The following DOP1B variants were observed in gnomAD, a reference collection of about 807,000 sequenced individuals.
The protein encoded by DOP1B is protein DOP1B.
In DOP1B, 174 loss-of-function variants were observed where a neutral mutation model predicts 233.5. The observed-to-expected ratio is 0.75, with a 90% CI of 0.66 to 0.85. The LOEUF is 0.85. DOP1B is among the 40% of genes least tolerant of loss of function. The probability of loss-of-function intolerance (pLI) is 0.00; values close to 1 mark genes in which losing one functional copy is unlikely to be tolerated. For synonymous variants in DOP1B, 1,190 were observed against 1,185.6 expected, an observed-to-expected ratio of 1.00 and a Z score of -0.08; for missense variants, 2,652 against 2,846.6, an observed-to-expected ratio of 0.93 and a Z score of 1.56.
At chr21:36,257,596 T>TGATAGATAGATA (rs34032773) in intron 23 of DOP1B, among the ~76,000 whole-genome samples, 63 of 150,196 alleles carry the variant, frequency 4.2e-4, no homozygotes, top group East Asian at 6.0e-4. Flanking sequence ...CGTAGATAGA[T>TGATAGATAGATA]GATAGATAGA....
At chr21:36,218,298 G>A (rs544044787) in intron 9 of DOP1B, among the ~76,000 whole-genome samples, 45 of 152,204 alleles carry the variant, frequency 3.0e-4, no homozygotes, top group African/African-American at 1.1e-3. Context: ...TTGGGAGGCC[G>A]AGGCAGGCAG....
intron 1 of DOP1B, among the ~76,000 whole-genome samples, chr21:36,160,265 AT>A (rs2065857675): frequency 6.6e-6 from 1 of 152,094 alleles, no homozygotes; most frequent in Admixed American, 6.6e-5. Flanking sequence ...GAAGGCAGTT[AT>A]TTCAGAAAAA....
chr21:36,291,301 C>T (rs927044557), intron 35 of DOP1B, among the ~76,000 whole-genome samples: 8 of 151,790 alleles, frequency 5.3e-5, no homozygotes, highest in Admixed American at 3.3e-4. Context: ...TGGCTCATGC[C>T]TGTAATCCCA....
chr21:36,252,938 G>A (rs1423774640), intron 22 of DOP1B, among the ~76,000 whole-genome samples: 1 of 152,016 alleles, frequency 6.6e-6, no homozygotes, highest in African/African-American at 2.4e-5. Flanking sequence ...TCCCCTGCTC[G>A]GGATCTGCTG....
chr21:36,278,343 C>T lies in DOP1B; in HGVS notation c.5957C>T (p.Thr1986Ile). Reference protein sequence around the residue: ...FLDPAFFQMDTSCVHWKSIID... With the variant: ...FLDPAFFQMDISCVHWKSIID... ...GACCCCGCTTTCTTTCAGATGGATA[C>T]TTCCTGTGTTCAGTAAGATATGCTG... The change falls in exon 30 of 37, where the codon ACT (threonine) becomes ATT (isoleucine). Residue 1986 changes from threonine to isoleucine, a missense_variant. Thr to Ile is a moderately conservative substitution (Grantham distance 89). Coordinates refer to ENST00000691173, the MANE Select transcript of DOP1B (RefSeq NM_001320714.2). The T allele has an allele frequency of 6.2e-7, 1 of 1,612,776 alleles. No homozygotes were observed. The highest frequency in any genetic ancestry group is 8.5e-7 in the Non-Finnish European group (1 of 1,179,798).
chr21:36,282,952 G>C (rs569269814), intron 32 of DOP1B, among the ~76,000 whole-genome samples: 2 of 151,848 alleles, frequency 1.3e-5, no homozygotes, highest in Admixed American at 6.6e-5. Context: ...GGGTGACAGA[G>C]AGAGACTCCA....
chr21:36,258,175 C>T (rs993832017), intron 23 of DOP1B, among the ~76,000 whole-genome samples: 18 of 151,948 alleles, frequency 1.2e-4, no homozygotes, highest in Admixed American at 9.2e-4. Flanking sequence ...TTTGGGAAGC[C>T]GAAGCAGGGG....
At chr21:36,235,870 G>GGGT (rs1555893498) in intron 15 of DOP1B, among the ~76,000 whole-genome samples, 2 of 147,274 alleles carry the variant, frequency 1.4e-5, no homozygotes, top group Non-Finnish European at 1.5e-5. Flanking sequence ...AGTCGGGGGG[G>GGGT]GGGCGGTCTA....
intron 32 of DOP1B, among the ~76,000 whole-genome samples, chr21:36,282,910 T>A (rs1289617336): frequency 6.6e-6 from 1 of 151,950 alleles, no homozygotes; most frequent in African/African-American, 2.4e-5. Context: ...TGGTAGGCAC[T>A]GAGCCGAGAT....
In DOP1B at chr21:36,294,085, A is replaced by G. The variant is rs773506014; in HGVS notation, c.*514A>G. ...GAATCTGATTCTGCATTTCTTCCTCAATTTATGTAATGAAAATAAAATTAA... is the reference window on the plus strand; with the variant it reads ...GAATCTGATTCTGCATTTCTTCCTCGATTTATGTAATGAAAATAAAATTAA... On this transcript the variant is annotated 3_prime_UTR_variant, in exon 37 of 37. Coordinates refer to ENST00000691173, the MANE Select transcript of DOP1B (RefSeq NM_001320714.2). 6.5e-6 allele frequency: 1 copy of G among 153,880 alleles called. No individual in the cohort carries two copies. Among genetic ancestry groups the G allele is most frequent in the East Asian group, 1.9e-4 (1 of 5,224 alleles). 9.5% of individuals were successfully genotyped at this position (153,880 alleles called of 1,614,324 possible).
intron 27 of DOP1B, among the ~76,000 whole-genome samples, chr21:36,271,398 C>T (rs763124928): frequency 6.6e-6 from 1 of 151,780 alleles, no homozygotes. Flanking sequence ...CTCAGCCTCC[C>T]GAATAGCTGG....
At chr21:36,250,148 CG>C (rs1250830592) in intron 21 of DOP1B, among the ~76,000 whole-genome samples, 2 of 152,074 alleles carry the variant, frequency 1.3e-5, no homozygotes, top group East Asian at 3.8e-4. Context: ...AACCCAGGGC[CG>C]GGGAGCGGGA....
intron 12 of DOP1B, among the ~76,000 whole-genome samples, chr21:36,227,326 T>C (rs1034025587): frequency 1.3e-5 from 2 of 151,856 alleles, no homozygotes; most frequent in African/African-American, 4.8e-5. Flanking sequence ...GGTGGATGGA[T>C]CACAAAGTCA....
chr21:36,261,141 G>T, intron 24 of DOP1B: 5 of 967,528 alleles, frequency 5.2e-6, no homozygotes, highest in Non-Finnish European at 6.2e-6. Context: ...GAGGCAGGCG[G>T]ATCACTTGAG....
chr21:36,199,878 C>T (rs1028864731), intron 3 of DOP1B, among the ~76,000 whole-genome samples: 1 of 152,080 alleles, frequency 6.6e-6, no homozygotes, highest in East Asian at 1.9e-4. Context: ...GCTATTGTGA[C>T]TAGTGTTGCA....
Position 36,293,475 on chromosome 21 carries a change from T to C in DOP1B, c.6801T>C (p.Thr2267=), listed in dbSNP as rs1399981467. 1 of 1,614,114 alleles carries C rather than the reference T, an allele frequency of 6.2e-7. No individual in the cohort carries two copies. The highest frequency in any genetic ancestry group is 1.3e-5 in the African/African-American group (1 of 75,030). ...AGCTGCCTGCTGATAGCCCAGGAACTCCATTCTTGGACTTTCCTGTCACAG... is the reference window on the plus strand; with the variant it reads ...AGCTGCCTGCTGATAGCCCAGGAACCCCATTCTTGGACTTTCCTGTCACAG... The part of the protein sequence containing the change: ...QRQLPADSPG[T]PFLDFPVTDS... The change falls in exon 37 of 37, where the codon ACT becomes ACC. Residue 2267 remains threonine (T), a synonymous_variant. Coordinates refer to ENST00000691173, the MANE Select transcript of DOP1B (RefSeq NM_001320714.2).
intron 2 of DOP1B, among the ~76,000 whole-genome samples, chr21:36,167,340 T>G (rs546001135): frequency 3.3e-5 from 5 of 152,106 alleles, no homozygotes; most frequent in Non-Finnish European, 5.9e-5. Flanking sequence ...GCCTGGCTAA[T>G]TTTTTTGTAT....
At chr21:36,200,208 C>T (rs1018745892) in intron 3 of DOP1B, 123 bp from the exon 4 acceptor site, 37 of 1,296,440 alleles carry the variant, frequency 2.9e-5, no homozygotes, top group Admixed American at 5.2e-5. Flanking sequence ...ACCCACACAT[C>T]GAAACCAGCA....
At chr21:36,170,186 A>T (rs1319833236) in intron 2 of DOP1B, 1 of 454,818 alleles carries the variant, frequency 2.2e-6, no homozygotes, top group African/African-American at 2.0e-5. Flanking sequence ...GACATCACAC[A>T]ATCAAATTCC....
Sources: allele counts gnomAD v4.1 joint callset (sites outside exome capture counted in the v4.1 genomes callset), GRCh38; gene constraint gnomAD v4.1.1; transcripts MANE v1.5; gene names NCBI Gene and HGNC (gene_info 2026-07-23, HGNC 2026-07-21).